FBXO11: variants seen among roughly 807,000 people sequenced by gnomAD.
FBXO11 encodes the protein F-box only protein 11.
FBXO11 carries 13 observed loss-of-function variants against 117.0 expected under a neutral mutation model. The ratio of observed to expected loss-of-function variants is 0.11; its 90% CI spans 0.07 to 0.18. The LOEUF is 0.18. Among genes scored for constraint, FBXO11 ranks in the 10% least tolerant of loss-of-function variants. The probability of loss-of-function intolerance (pLI) is 1.00; values close to 1 mark genes in which losing one functional copy is unlikely to be tolerated. For missense variants in FBXO11, 767 were observed against 1,164.4 expected, an observed-to-expected ratio of 0.66 and a Z score of 4.97; for synonymous variants, 490 against 380.5, an observed-to-expected ratio of 1.29 and a Z score of -3.35.
intron 17 of FBXO11, 79 bp downstream of exon 17, chr2:47,813,712 C>A: frequency 8.4e-7 from 1 of 1,190,178 alleles, no homozygotes; most frequent in Admixed American, 1.8e-5. Context: ...GGATTACAGG[C>A]GTGAGCCACC....
At chr2:47,869,306 G>A (rs751592449) in intron 1 of FBXO11, among the ~76,000 whole-genome samples, 1 of 152,198 alleles carries the variant, frequency 6.6e-6, no homozygotes, top group Non-Finnish European at 1.5e-5. Context: ...TTCACTGGAA[G>A]TTAAGACTGC....
intron 1 of FBXO11, among the ~76,000 whole-genome samples, chr2:47,902,803 A>G (rs867568744): frequency 6.6e-6 from 1 of 152,152 alleles, no homozygotes; most frequent in Admixed American, 6.5e-5. Flanking sequence ...GTTTGTCTCA[A>G]AACAGCGAGT....
At chr2:47,883,680 G>T (rs924477732) in intron 1 of FBXO11, 1 of 263,838 alleles carries the variant, frequency 3.8e-6, no homozygotes, top group Non-Finnish European at 7.7e-6. Flanking sequence ...ACTTTGTGAT[G>T]TTATCAAGGA....
Position 47,808,363 on chromosome 2 carries a change from G to C in FBXO11, c.2620C>G (p.Gln874Glu). 6.2e-7 allele frequency: 1 copy of C among 1,612,482 alleles called. No homozygotes were observed. The highest frequency in any genetic ancestry group is 8.5e-7 in the Non-Finnish European group (1 of 1,179,122). The change falls in exon 22 of 23, where the codon CAG becomes GAG. Residue 874 changes from glutamine (Q) to glutamate (E), a missense_variant. By Grantham distance (29) the Gln-to-Glu change is conservative. Around this residue, in one of 10 missense-constraint regions of FBXO11, gnomAD observed 47 missense variants for 117.3 expected, o/e 0.40. Transcript: ENST00000403359. ...CTAATAAACTCTACATCATGTCCCT[G>C]ATGGCACTTCTTAATGCAGTTCACA... Reference protein sequence around the residue: ...ICVNCIKKCHQGHDVEFIRHD... With the variant: ...ICVNCIKKCHEGHDVEFIRHD...
chr2:47,835,558 G>A (rs1672491606), intron 5 of FBXO11, among the ~76,000 whole-genome samples: 1 of 152,036 alleles, frequency 6.6e-6, no homozygotes, highest in South Asian at 2.1e-4. Flanking sequence ...GAGTGCAGCA[G>A]TGCAATGTCA....
chr2:47,886,981 C>A (rs1329683568), intron 1 of FBXO11, among the ~76,000 whole-genome samples: 7 of 152,108 alleles, frequency 4.6e-5, no homozygotes, highest in African/African-American at 1.4e-4. Flanking sequence ...CCATTACACT[C>A]TAGTCTGGGT....
chr2:47,857,733 CGAG>C (rs1674422844), intron 1 of FBXO11, among the ~76,000 whole-genome samples: 1 of 152,026 alleles, frequency 6.6e-6, no homozygotes, highest in African/African-American at 2.4e-5. Context: ...ACAGTAAACT[CGAG>C]AAGGAAGTCT....
chr2:47,896,699 T>C (rs953533771), intron 1 of FBXO11, among the ~76,000 whole-genome samples: 1 of 152,170 alleles, frequency 6.6e-6, no homozygotes, highest in Non-Finnish European at 1.5e-5. Context: ...GTTATCATAA[T>C]CAGTCTCTTA....
intron 1 of FBXO11, among the ~76,000 whole-genome samples, chr2:47,889,573 A>T (rs2103969979): frequency 6.6e-6 from 1 of 152,274 alleles, no homozygotes; most frequent in South Asian, 2.1e-4. Flanking sequence ...TTTTTAAAAA[A>T]ATGGTTATTA....
At chr2:47,813,685 G>A (rs756749678) in intron 17 of FBXO11, 106 bp downstream of exon 17, 13 of 856,958 alleles carry the variant, frequency 1.5e-5, no homozygotes, top group Admixed American at 8.9e-5. Flanking sequence ...CACCCATCTC[G>A]GCCTCCCAAA....
intron 1 of FBXO11, among the ~76,000 whole-genome samples, chr2:47,881,340 TG>T: frequency 6.6e-6 from 1 of 152,310 alleles, no homozygotes; most frequent in East Asian, 1.9e-4. Context: ...TTTCACTAAA[TG>T]ATGTTTTATT....
chr2:47,852,507 G>A (rs1194593982), intron 1 of FBXO11, among the ~76,000 whole-genome samples: 2 of 152,196 alleles, frequency 1.3e-5, no homozygotes, highest in African/African-American at 2.4e-5. Flanking sequence ...GGCCATTAAA[G>A]TTAAGTGAAA....
At chr2:47,884,254 G>A (rs903627782) in intron 1 of FBXO11, among the ~76,000 whole-genome samples, 1 of 152,102 alleles carries the variant, frequency 6.6e-6, no homozygotes, top group African/African-American at 2.4e-5. Flanking sequence ...TAAAAATACA[G>A]AGAAAAGCTG....
intron 1 of FBXO11, among the ~76,000 whole-genome samples, chr2:47,879,955 T>C (rs1460269766): frequency 6.6e-6 from 1 of 152,158 alleles, no homozygotes; most frequent in Non-Finnish European, 1.5e-5. Context: ...GTTTGAATAA[T>C]ATTTCATTGT....
At chr2:47,887,891 C>G (rs1279899350) in intron 1 of FBXO11, among the ~76,000 whole-genome samples, 1 of 152,084 alleles carries the variant, frequency 6.6e-6, no homozygotes, top group East Asian at 1.9e-4. Flanking sequence ...AGGGACACAC[C>G]TGTAGTCCTA....
intron 20 of FBXO11, 36 bp from the exon 21 acceptor site, chr2:47,809,302 G>T (rs200189874): frequency 7.5e-7 from 1 of 1,336,138 alleles, no homozygotes; most frequent in East Asian, 2.3e-5. Flanking sequence ...AAATTCAGAG[G>T]AATGTTAATA....
chr2:47,848,589 T>A (rs962208811), intron 1 of FBXO11, among the ~76,000 whole-genome samples: 1 of 152,222 alleles, frequency 6.6e-6, no homozygotes, highest in Non-Finnish European at 1.5e-5. Flanking sequence ...CACACACATA[T>A]ATAATATCAA....
rs1480590088 is a variant in FBXO11, at chr2:47,807,161, G to A, written c.*957C>T. 1.6e-5 allele frequency: 5 copies of A among 307,770 alleles called. No homozygotes were observed. The highest frequency in any genetic ancestry group is 6.5e-5 in the African/African-American group (3 of 46,484). The allele number at this position is 307,770 out of a possible 1,614,324, so 19.1% of individuals were successfully genotyped here. On this transcript the variant is annotated 3_prime_UTR_variant, in exon 23 of 23. Coordinates refer to ENST00000403359, the MANE Select transcript of FBXO11 (RefSeq NM_001190274.2). ...ACTGTATAGGGCTGTATATATACTT[G>A]TCTCAGCTTAATGCAGGAAATTGGT... is the stretch of plus-strand genomic sequence containing the variant.
chr2:47,890,209 C>T (rs2103973840), intron 1 of FBXO11, among the ~76,000 whole-genome samples: 1 of 152,174 alleles, frequency 6.6e-6, no homozygotes, highest in East Asian at 1.9e-4. Flanking sequence ...TTAAAGGATC[C>T]TCTCACCTCA....
Sources: allele counts gnomAD v4.1 joint callset (sites outside exome capture counted in the v4.1 genomes callset), GRCh38; gene constraint gnomAD v4.1.1; regional missense constraint gnomAD v4.1.1; transcripts MANE v1.5; gene names NCBI Gene and HGNC (gene_info 2026-07-23, HGNC 2026-07-21).